SYN3: variants seen among roughly 807,000 people sequenced by gnomAD.
SYN3 encodes synapsin III, also known as synapsin-3.
Under a neutral mutation model 65.8 loss-of-function variants are expected in SYN3, and 35 were observed. The observed-to-expected ratio is 0.53, with a 90% confidence interval of 0.41 to 0.70. The LOEUF is 0.70. SYN3 is among the 30% of genes least tolerant of loss of function. SYN3 has a pLI of 0.00. For missense variants in SYN3, 680 were observed against 749.0 expected (o/e 0.91, Z 1.08); for synonymous variants, 270 against 292.9 (o/e 0.92, Z 0.80).
chr22:32,823,333 C>T (rs1400811685), intron 6 of SYN3, among the ~76,000 whole-genome samples: 1 of 152,210 alleles, frequency 6.6e-6, no homozygotes, highest in African/African-American at 2.4e-5. Context: ...GGACCTGCCA[C>T]AGAGAATGCC....
At chr22:32,815,546 T>C (rs749145672) in intron 6 of SYN3, among the ~76,000 whole-genome samples, 1 of 152,224 alleles carries the variant, frequency 6.6e-6, no homozygotes, top group South Asian at 2.1e-4. Flanking sequence ...ACTTTGCAGA[T>C]GAAAAAAATT....
At chr22:32,948,412 G>A (rs1457217111) in intron 3 of SYN3, among the ~76,000 whole-genome samples, 4 of 152,058 alleles carry the variant, frequency 2.6e-5, no homozygotes, top group East Asian at 1.9e-4. Context: ...TCTGTTATAG[G>A]TGCTAGATAT....
chr22:32,513,467 TG>T lies in SYN3; in HGVS notation c.*224del. On this transcript the variant is annotated 3_prime_UTR_variant, in exon 14 of 14. Transcript: ENST00000358763. ...TCGCTCAGGCCTGTTTTGAGGAACC[TG>T]GAGGCTCTCAAAGGCCCACCTCACA... 1.9e-6 allele frequency: 1 copy of T among 518,848 alleles called. No individual in the cohort carries two copies. Among genetic ancestry groups the T allele is most frequent in the Non-Finnish European group, 3.2e-6 (1 of 308,318 alleles). 32.1% of individuals were successfully genotyped at this position (518,848 alleles called of 1,614,324 possible). A position where few individuals can be genotyped will look rare whatever the true frequency, so the allele number is the denominator to read the frequency against.
At chr22:32,704,418 T>C (rs2060852186) in intron 6 of SYN3, among the ~76,000 whole-genome samples, 1 of 152,220 alleles carries the variant, frequency 6.6e-6, no homozygotes, top group Non-Finnish European at 1.5e-5. Flanking sequence ...TATGGTTACA[T>C]AGTATTCCAT....
intron 4 of SYN3, among the ~76,000 whole-genome samples, chr22:32,889,570 G>A (rs78341639): frequency 0.013 from 2,030 of 152,270 alleles, 50 homozygotes; most frequent in African/African-American, 0.046. Flanking sequence ...ATGTTTACAC[G>A]TCAATGTGTT....
rs186528293 is a variant in SYN3, at chr22:32,596,689, G to A, written c.759C>T (p.His253=). Residue 253 remains histidine (H), a synonymous_variant, in exon 7 of 14, where the codon CAC becomes CAT. Coordinates refer to ENST00000358763, the MANE Select transcript of SYN3 (RefSeq NM_003490.4). ...FPVVVKLGHA[H]AGMGKIKVEN... is the part of the protein sequence containing the mutation. ...TTTCTCATACCTTTCCCATTCCAGC[G>A]TGGGCATGTCCCAGCTTGACTACCA... 60 of 1,614,044 alleles carry A rather than the reference G, an allele frequency of 3.7e-5. No homozygotes were observed. In the East Asian group the frequency reaches 6.9e-4, roughly 19 times the overall value.
chr22:32,915,664 T>C (rs1396679827), intron 4 of SYN3, among the ~76,000 whole-genome samples: 1 of 152,086 alleles, frequency 6.6e-6, no homozygotes, highest in Non-Finnish European at 1.5e-5. Context: ...CAGCAAAGGA[T>C]GGAAGTACCA....
chr22:32,854,205 T>C (rs2146269094), intron 6 of SYN3, among the ~76,000 whole-genome samples: 1 of 152,322 alleles, frequency 6.6e-6, no homozygotes, highest in South Asian at 2.1e-4. Flanking sequence ...GTTGTTCTTT[T>C]CAGAATTGAC....
chr22:32,905,120 AC>A (rs1383472242), intron 4 of SYN3, among the ~76,000 whole-genome samples: 46 of 152,266 alleles, frequency 3.0e-4, no homozygotes, highest in Non-Finnish European at 7.3e-5. Context: ...CTATACTCTC[AC>A]AAAAAAGCAA....
chr22:32,928,015 A>G (rs1012358596), intron 4 of SYN3, among the ~76,000 whole-genome samples: 4 of 152,244 alleles, frequency 2.6e-5, no homozygotes, highest in African/African-American at 7.2e-5. Context: ...CCCATTGTAA[A>G]CTGAAAATAT....
At chr22:32,951,460 C>T (rs1219503781) in intron 3 of SYN3, among the ~76,000 whole-genome samples, 3 of 152,204 alleles carry the variant, frequency 2.0e-5, no homozygotes, top group African/African-American at 4.8e-5. Flanking sequence ...TCTCAATTAA[C>T]TATTCAATGG....
chr22:32,987,243 G>A (rs1306350130), intron 2 of SYN3, among the ~76,000 whole-genome samples: 3 of 152,120 alleles, frequency 2.0e-5, no homozygotes, highest in African/African-American at 7.2e-5. Flanking sequence ...GATGCAACAT[G>A]TCAGTTGCTG....
intron 6 of SYN3, among the ~76,000 whole-genome samples, chr22:32,819,528 C>T (rs1259594635): frequency 6.6e-6 from 1 of 152,278 alleles, no homozygotes; most frequent in East Asian, 1.9e-4. Flanking sequence ...AGATTCTCTC[C>T]TTGAACACAG....
intron 1 of SYN3, among the ~76,000 whole-genome samples, chr22:33,055,330 C>T (rs1394834293): frequency 1.3e-5 from 2 of 152,208 alleles, no homozygotes; most frequent in African/African-American, 4.8e-5. Flanking sequence ...ACACAATTTG[C>T]CCACTATGCG....
intron 1 of SYN3, among the ~76,000 whole-genome samples, chr22:33,046,956 C>G (rs1193587249): frequency 1.3e-5 from 2 of 152,062 alleles, no homozygotes; most frequent in Non-Finnish European, 2.9e-5. Flanking sequence ...CTCCCTTCCC[C>G]CACCTCTTAC....
At chr22:32,564,852 T>TGCTCCCGGACTGCACCCTAACAGC (rs377674061) in intron 7 of SYN3, among the ~76,000 whole-genome samples, 1 of 146,114 alleles carries the variant, frequency 6.8e-6, no homozygotes, top group Non-Finnish European at 1.5e-5. Flanking sequence ...ACCCAAACAG[T>TGCTCCCGGACTGCACCCTAACAGC]GCTCCCGGAC....
chr22:32,528,784 G>A (rs1174801876), intron 11 of SYN3, 90 bp downstream of exon 11: 5 of 1,557,242 alleles, frequency 3.2e-6, no homozygotes, highest in African/African-American at 1.4e-5. Context: ...CTTCCTGGGG[G>A]TATCCCCTTT....
intron 6 of SYN3, among the ~76,000 whole-genome samples, chr22:32,854,349 G>A (rs557015348): frequency 2.6e-5 from 4 of 152,214 alleles, no homozygotes; most frequent in Non-Finnish European, 5.9e-5. Context: ...AGCTGATTTC[G>A]ATGAGTTGAG....
At chr22:32,702,244 G>C (rs1394043690) in intron 6 of SYN3, among the ~76,000 whole-genome samples, 1 of 152,180 alleles carries the variant, frequency 6.6e-6, no homozygotes, top group Non-Finnish European at 1.5e-5. Context: ...TTGGGAGGCT[G>C]AGGCGGGTGG....
Sources: allele counts gnomAD v4.1 joint callset (sites outside exome capture counted in the v4.1 genomes callset), GRCh38; gene constraint gnomAD v4.1.1; transcripts MANE v1.5; gene names NCBI Gene and HGNC (gene_info 2026-07-23, HGNC 2026-07-21).